NOL4: variants seen among roughly 807,000 people sequenced by gnomAD.
The protein encoded by NOL4 is cancer/testis antigen 125.
A neutral mutation model predicts 75.9 loss-of-function variants in NOL4; 17 were observed. That is an observed-to-expected ratio of 0.22 (90% CI 0.15 to 0.34). The LOEUF is 0.34. Ranked by LOEUF, NOL4 falls within the 10% of genes least tolerant of loss-of-function variation. NOL4 has a pLI of 1.00. For missense variants in NOL4, 614 were observed against 793.5 expected (o/e 0.77, Z 2.72); for synonymous variants, 292 against 289.9 (o/e 1.01, Z -0.07).
intron 6 of NOL4, among the ~76,000 whole-genome samples, chr18:33,988,188 A>T (rs1258310523): frequency 1.3e-5 from 2 of 152,110 alleles, no homozygotes; most frequent in African/African-American, 4.8e-5. Context: ...GGCAAGGTGT[A>T]ATTGACTCTA....
At chr18:34,015,312 C>T (rs1340364533) in intron 6 of NOL4, among the ~76,000 whole-genome samples, 5 of 152,014 alleles carry the variant, frequency 3.3e-5, no homozygotes, top group African/African-American at 4.8e-5. Flanking sequence ...AATCAAATTT[C>T]CCACTAATTC....
At chr18:34,179,325 A>C (rs1279617823) in intron 1 of NOL4, among the ~76,000 whole-genome samples, 1 of 151,476 alleles carries the variant, frequency 6.6e-6, no homozygotes, top group East Asian at 1.9e-4. Flanking sequence ...CACTAAACTC[A>C]AGACAAGCAG....
At chr18:34,111,158 G>T (rs773105362) in intron 2 of NOL4, among the ~76,000 whole-genome samples, 1 of 152,006 alleles carries the variant, frequency 6.6e-6, no homozygotes, top group Non-Finnish European at 1.5e-5. Context: ...ACTTAAAATG[G>T]ATTAAAGACT....
chr18:34,191,471 G>A (rs1193953551), intron 1 of NOL4, among the ~76,000 whole-genome samples: 2 of 151,866 alleles, frequency 1.3e-5, no homozygotes, highest in African/African-American at 4.8e-5. Flanking sequence ...TTTCCATTTG[G>A]TTCTGAGTCA....
At chr18:34,181,512 AAC>A (rs2034030097) in intron 1 of NOL4, among the ~76,000 whole-genome samples, 1 of 151,600 alleles carries the variant, frequency 6.6e-6, no homozygotes, top group South Asian at 2.1e-4. Context: ...TGCTTTAAGT[AAC>A]AGTTTTTAAA....
chr18:33,988,534 C>T (rs966768359), intron 6 of NOL4, among the ~76,000 whole-genome samples: 1 of 152,150 alleles, frequency 6.6e-6, no homozygotes, highest in Non-Finnish European at 1.5e-5. Flanking sequence ...TCCTCATGGG[C>T]ATGAGATTCT....
chr18:33,903,508 G>A (rs2065861792), intron 9 of NOL4, among the ~76,000 whole-genome samples: 1 of 152,034 alleles, frequency 6.6e-6, no homozygotes, highest in Non-Finnish European at 1.5e-5. Flanking sequence ...ATCTAAAGAA[G>A]GCACTCACTC....
chr18:33,926,759 C>T (rs1390025485), intron 9 of NOL4, among the ~76,000 whole-genome samples: 4 of 152,126 alleles, frequency 2.6e-5, no homozygotes, highest in South Asian at 4.2e-4. Context: ...CACCACCACG[C>T]CCAGCTAATT....
intron 10 of NOL4, among the ~76,000 whole-genome samples, chr18:33,875,125 A>G (rs936554356): frequency 2.6e-5 from 4 of 152,038 alleles, no homozygotes; most frequent in African/African-American, 9.7e-5. Context: ...AAACATCAGT[A>G]GTTAACTTAT....
chr18:34,191,530 G>A (rs1037290994), intron 1 of NOL4, among the ~76,000 whole-genome samples: 2 of 152,002 alleles, frequency 1.3e-5, no homozygotes, highest in African/African-American at 4.8e-5. Flanking sequence ...TTTATCCTTT[G>A]TCATCCACGT....
chr18:33,967,031 A>G (rs1439869503), intron 6 of NOL4, among the ~76,000 whole-genome samples: 1 of 152,192 alleles, frequency 6.6e-6, no homozygotes, highest in Non-Finnish European at 1.5e-5. Context: ...AGCAATTCTA[A>G]GCAAAAAACA....
chr18:33,981,060 C>T (rs2071913254), intron 6 of NOL4, among the ~76,000 whole-genome samples: 1 of 151,698 alleles, frequency 6.6e-6, no homozygotes, highest in Non-Finnish European at 1.5e-5. Flanking sequence ...GTAACAGATA[C>T]TAAGAATGCC....
intron 4 of NOL4, among the ~76,000 whole-genome samples, chr18:34,097,126 C>T (rs2078823691): frequency 6.6e-6 from 1 of 152,178 alleles, no homozygotes; most frequent in African/African-American, 2.4e-5. Context: ...AATTAATCTT[C>T]CCATTTCTGA....
At chr18:34,076,577 A>G (rs2077754812) in intron 5 of NOL4, among the ~76,000 whole-genome samples, 1 of 152,198 alleles carries the variant, frequency 6.6e-6, no homozygotes, top group African/African-American at 2.4e-5. Context: ...GGAGACCCTC[A>G]GACTGGAGGG....
chr18:33,955,398 C>T (rs2069571036), intron 8 of NOL4, among the ~76,000 whole-genome samples: 1 of 152,028 alleles, frequency 6.6e-6, no homozygotes, highest in African/African-American at 2.4e-5. Flanking sequence ...GTTAAATCCT[C>T]TAAAAAAACA....
chr18:34,095,892 A>T (rs1249461475), intron 4 of NOL4, among the ~76,000 whole-genome samples: 1 of 152,110 alleles, frequency 6.6e-6, no homozygotes, highest in African/African-American at 2.4e-5. Context: ...GGTCACAAAA[A>T]GCTAACTATA....
Position 33,943,180 on chromosome 18 carries a change from TAA to T in NOL4, c.1429-4_1429-3del, listed in dbSNP as rs530792420. The T allele has an allele frequency of 1.9e-4, 239 of 1,276,498 alleles. No individual in the cohort carries two copies. The highest frequency in any genetic ancestry group is 2.4e-4 in the Admixed American group (11 of 46,552). 79.1% of individuals were successfully genotyped at this position (1,276,498 alleles called of 1,614,324 possible). A position where few individuals can be genotyped will look rare whatever the true frequency, so the allele number is the denominator to read the frequency against. ...AAGGTGGGAAGGAATAGGTCGAGAC[TAA>T]AAAAAAAAAGAGAAAAGTATGAAAA... is the stretch of plus-strand genomic sequence containing the variant. On this transcript the variant is annotated splice_region_variant and splice_polypyrimidine_tract_variant and intron_variant, in intron 8 of 10. Transcript: ENST00000261592.
At chr18:34,035,606 A>C (rs781605712) in intron 5 of NOL4, among the ~76,000 whole-genome samples, 2 of 151,980 alleles carry the variant, frequency 1.3e-5, no homozygotes, top group Admixed American at 6.6e-5. Flanking sequence ...AACTAAGCCC[A>C]AAAACAGCAA....
chr18:34,108,246 C>T (rs1324717482), intron 2 of NOL4, among the ~76,000 whole-genome samples: 1 of 151,930 alleles, frequency 6.6e-6, no homozygotes, highest in Non-Finnish European at 1.5e-5. Context: ...CATACAACTA[C>T]ACAAACATCA....
Sources: gnomAD v4.1 joint callset for allele counts (sites outside exome capture counted in the v4.1 genomes callset) on GRCh38, gnomAD v4.1.1 for gene constraint, MANE v1.5 for transcripts, NCBI Gene and HGNC (gene_info 2026-07-23, HGNC 2026-07-21) for gene names.